Variants in MYO16 observed in about 807,000 individuals in gnomAD.
The protein encoded by MYO16 is unconventional myosin-XVI.
MYO16 carries 94 observed loss-of-function variants against 205.3 expected under a neutral mutation model. The observed-to-expected ratio is 0.46, with a 90% CI of 0.39 to 0.54. MYO16 has a LOEUF of 0.54. Among genes scored for constraint, MYO16 ranks in the 20% least tolerant of loss-of-function variants. MYO16 has a pLI of 0.00. For missense variants in MYO16, 2,315 were observed against 2,387.5 expected (o/e 0.97, Z 0.63); for synonymous variants, 988 against 954.0 (o/e 1.04, Z -0.66).
chr13:108,729,641 A>C (rs2139588688), intron 4 of MYO16, among the ~76,000 whole-genome samples: 1 of 152,256 alleles, frequency 6.6e-6, no homozygotes, highest in South Asian at 2.1e-4. Context: ...ACTTATTCTC[A>C]CAAATGAATA....
chr13:108,533,425 T>C, the MYO16 span, among the ~76,000 whole-genome samples: 1 of 152,180 alleles, frequency 6.6e-6, no homozygotes, highest in Non-Finnish European at 1.5e-5. Context: ...TATGATTAGG[T>C]TACATGATAT....
At chr13:108,836,284 G>A (rs1459195630) in intron 9 of MYO16, among the ~76,000 whole-genome samples, 2 of 152,212 alleles carry the variant, frequency 1.3e-5, no homozygotes, top group Non-Finnish European at 2.9e-5. Context: ...GGGCCTGTGG[G>A]TGCTCAGAAG....
chr13:108,871,716 G>A (rs188004221), intron 12 of MYO16, among the ~76,000 whole-genome samples: 1 of 152,248 alleles, frequency 6.6e-6, no homozygotes. Context: ...TCTGCTGAGT[G>A]TGAGACACTT....
chr13:108,705,381 G>A (rs192214332), intron 2 of MYO16, among the ~76,000 whole-genome samples: 34 of 152,202 alleles, frequency 2.2e-4, no homozygotes, highest in African/African-American at 6.7e-4. Flanking sequence ...GCAACATCGC[G>A]GTGTCTATGT....
At chr13:108,701,226 A>G (rs1322517224) in intron 2 of MYO16, among the ~76,000 whole-genome samples, 1 of 152,120 alleles carries the variant, frequency 6.6e-6, no homozygotes, top group East Asian at 1.9e-4. Flanking sequence ...TCGGATTTTC[A>G]AAGTCTCCAC....
intron 3 of MYO16, among the ~76,000 whole-genome samples, chr13:108,716,450 T>C (rs1883948249): frequency 6.6e-6 from 1 of 152,224 alleles, no homozygotes; most frequent in African/African-American, 2.4e-5. Context: ...GGAGGACGGA[T>C]AAGGAAACCT....
chr13:108,828,869 G>A (rs568206668), intron 9 of MYO16, among the ~76,000 whole-genome samples: 2 of 152,298 alleles, frequency 1.3e-5, no homozygotes, highest in East Asian at 3.9e-4. Context: ...CATCCTTGGG[G>A]AGGGGGCTCA....
At chr13:109,156,036 G>A (rs927297652) in intron 32 of MYO16, among the ~76,000 whole-genome samples, 3 of 152,262 alleles carry the variant, frequency 2.0e-5, no homozygotes, top group Admixed American at 6.5e-5. Flanking sequence ...GATGCAGGTC[G>A]ACTTGAGAGG....
At chr13:108,650,224 T>C (rs1011848369) in intron 1 of MYO16, among the ~76,000 whole-genome samples, 1 of 152,128 alleles carries the variant, frequency 6.6e-6, no homozygotes, top group Admixed American at 6.5e-5. Context: ...GTTACACACA[T>C]ACATACATAC....
At chr13:108,965,262 G>T (rs1250859332) in intron 20 of MYO16, among the ~76,000 whole-genome samples, 1 of 152,176 alleles carries the variant, frequency 6.6e-6, no homozygotes, top group Admixed American at 6.5e-5. Flanking sequence ...ACTGGAATTT[G>T]TGGAGTAACT....
chr13:108,912,757 C>G (rs1159826127), intron 16 of MYO16, among the ~76,000 whole-genome samples: 1 of 151,878 alleles, frequency 6.6e-6, no homozygotes, highest in African/African-American at 2.4e-5. Flanking sequence ...TTCTCTGCTC[C>G]CAATCCTTCT....
intron 15 of MYO16, among the ~76,000 whole-genome samples, chr13:108,902,731 C>G (rs1372549448): frequency 2.0e-5 from 3 of 152,160 alleles, no homozygotes; most frequent in Non-Finnish European, 4.4e-5. Flanking sequence ...TGCCTCTTCT[C>G]TTCTCCAAAG....
At chr13:109,011,498 C>CTTTTTTTTTTTT (rs34575828) in intron 22 of MYO16, among the ~76,000 whole-genome samples, 76 of 129,774 alleles carry the variant, frequency 5.9e-4, no homozygotes, top group Non-Finnish European at 7.5e-4. Context: ...TTCTTCCTTT[C>CTTTTTTTTTTTT]TTTTTTTTTT....
At chr13:108,704,021 G>A (rs1883407660) in intron 2 of MYO16, among the ~76,000 whole-genome samples, 3 of 152,176 alleles carry the variant, frequency 2.0e-5, no homozygotes, top group Admixed American at 2.0e-4. Flanking sequence ...AGGACACAGT[G>A]ATGACACAGT....
At chr13:109,113,251 A>G (rs558669494) in intron 28 of MYO16, among the ~76,000 whole-genome samples, 2 of 152,090 alleles carry the variant, frequency 1.3e-5, no homozygotes, top group East Asian at 3.9e-4. Context: ...GAGGCTAGAT[A>G]TCAGGCTAAG....
chr13:108,553,054 T>G, the MYO16 span, among the ~76,000 whole-genome samples: 1 of 123,664 alleles, frequency 8.1e-6, no homozygotes, highest in Non-Finnish European at 1.6e-5. Context: ...AGTCTTGCTC[T>G]GTCACCCAGG....
rs1880608158 is a variant in MYO16 at position 109,206,635 on chromosome 13, G to T, written c.5442G>T (p.Glu1814Asp). Residue 1814 changes from glutamate (E) to aspartate (D), a missense_variant, in exon 35 of 35, where the codon GAG (glutamate) becomes GAT (aspartate). Physicochemically the swap from Glu to Asp is conservative, Grantham distance 45. Coordinates refer to ENST00000457511, the MANE Select transcript of MYO16 (RefSeq NM_001198950.3). ...TQVIHQLRLSENESVALQELL... is the reference protein window; with the variant it reads ...TQVIHQLRLSDNESVALQELL... ...TAATCCATCAGCTGAGGCTCTCAGAGAATGAAAGTGTGGCCCTGCAGGAAC... is the reference window on the plus strand; with the variant it reads ...TAATCCATCAGCTGAGGCTCTCAGATAATGAAAGTGTGGCCCTGCAGGAAC... 1.9e-6 allele frequency: 3 copies of T among 1,613,888 alleles called. No homozygotes were observed. The South Asian group carries it at 3.3e-5, about 18-fold the overall frequency.
intron 2 of MYO16, among the ~76,000 whole-genome samples, chr13:108,701,573 T>A (rs759550012): frequency 6.6e-6 from 1 of 152,160 alleles, no homozygotes; most frequent in Non-Finnish European, 1.5e-5. Flanking sequence ...CTACCATTTT[T>A]AAAAATAAAT....
chr13:108,869,254 T>G lies in MYO16; in HGVS notation c.1425+3012T>G, dbSNP rs115400308. ...GTAGTACTGAGTCTTTTAACTATAT[T>G]CATTTATTAAGGTCTTTAAAATGTG... On this transcript the variant is annotated intron_variant, in intron 12 of 34. Coordinates refer to ENST00000457511, the MANE Select transcript of MYO16 (RefSeq NM_001198950.3). Among the ~76,000 whole-genome samples, 1,477 of 152,284 alleles carry G rather than the reference T, an allele frequency of 9.7e-3. 27 individuals are homozygous for G. Among genetic ancestry groups the G allele is most frequent in the African/African-American group, 0.034 (1,412 of 41,552 alleles).
Sources: gnomAD v4.1 joint callset for allele counts (sites outside exome capture counted in the v4.1 genomes callset) on GRCh38, gnomAD v4.1.1 for gene constraint, MANE v1.5 for transcripts, NCBI Gene and HGNC (gene_info 2026-07-23, HGNC 2026-07-21) for gene names.